Variants in SLC16A9 observed in about 807,000 individuals in gnomAD.
SLC16A9 encodes solute carrier family 16 member 9.
In SLC16A9, 26 loss-of-function variants were observed where a neutral mutation model predicts 44.3. That is an observed-to-expected ratio of 0.59 (90% CI 0.43 to 0.81). SLC16A9 has a LOEUF of 0.81. Ranked by LOEUF, SLC16A9 falls within the 40% of genes least tolerant of loss-of-function variation. The pLI is 0.00. For missense variants in SLC16A9, 559 were observed against 595.8 expected (o/e 0.94, Z 0.64); for synonymous variants, 230 against 225.1 (o/e 1.02, Z -0.19).
In SLC16A9 at chr10:59,675,374, C is replaced by G. The variant is rs369272588; in HGVS notation, c.197-2461G>C. On this transcript the variant is annotated intron_variant, in intron 2 of 5. Coordinates refer to ENST00000395348, the MANE Select transcript of SLC16A9 (RefSeq NM_194298.3). ...ATTACTAGTAAAGAACATCAAGGTA[C>G]TGTTAGAGTAGGTAGTTAGGCAGAC... Among the ~76,000 whole-genome samples, 4 of 152,176 alleles carry G rather than the reference C, an allele frequency of 2.6e-5. No individual in the cohort carries two copies. The East Asian group carries it at 5.8e-4, about 22-fold the overall frequency.
chr10:59,685,983 T>C (rs1157831496), intron 1 of SLC16A9, among the ~76,000 whole-genome samples: 158 of 147,570 alleles, frequency 1.1e-3, no homozygotes, highest in Admixed American at 1.3e-3. Context: ...CTTTCTTTTT[T>C]TTTTTTTTTT....
chr10:59,654,751 A>G (rs1159870768), intron 4 of SLC16A9, among the ~76,000 whole-genome samples, 162 bp from the exon 5 acceptor site: 1 of 152,250 alleles, frequency 6.6e-6, no homozygotes, highest in Non-Finnish European at 1.5e-5. Context: ...ACAATAATAT[A>G]GTAATACTGA....
intron 2 of SLC16A9, among the ~76,000 whole-genome samples, chr10:59,680,243 G>A (rs1839958407): frequency 6.6e-6 from 1 of 152,134 alleles, no homozygotes; most frequent in African/African-American, 2.4e-5. Context: ...AAGTCTCAAG[G>A]AAAAGGAATT....
intron 1 of SLC16A9, among the ~76,000 whole-genome samples, chr10:59,686,038 C>T (rs944872419): frequency 8.7e-5 from 13 of 149,664 alleles, no homozygotes; most frequent in Non-Finnish European, 1.8e-4. Flanking sequence ...AGTGCAGTGG[C>T]GCAATCTCGG....
chr10:59,676,831 G>A (rs573905311), intron 2 of SLC16A9, among the ~76,000 whole-genome samples: 5 of 151,562 alleles, frequency 3.3e-5, no homozygotes, highest in African/African-American at 1.2e-4. Flanking sequence ...GCTGAGGCAG[G>A]AGAATTGCAT....
chr10:59,708,041 G>A (rs1232102646), intron 1 of SLC16A9, among the ~76,000 whole-genome samples: 2 of 152,196 alleles, frequency 1.3e-5, no homozygotes, highest in Non-Finnish European at 1.5e-5. Flanking sequence ...AACCAGTAGG[G>A]ATGTTATTAG....
chr10:59,677,629 G>A (rs1588976853), intron 2 of SLC16A9, among the ~76,000 whole-genome samples: 2 of 152,232 alleles, frequency 1.3e-5, no homozygotes, highest in African/African-American at 2.4e-5. Flanking sequence ...AGGTTCAGAC[G>A]GCTTGTTTGG....
At chr10:59,679,887 T>C (rs917425336) in intron 2 of SLC16A9, among the ~76,000 whole-genome samples, 1 of 152,234 alleles carries the variant, frequency 6.6e-6, no homozygotes, top group Non-Finnish European at 1.5e-5. Context: ...CATCTTCCTA[T>C]CTGGCCCATC....
chr10:59,682,635 C>T (rs868461485), intron 2 of SLC16A9, among the ~76,000 whole-genome samples: 8 of 152,174 alleles, frequency 5.3e-5, no homozygotes, highest in Admixed American at 4.6e-4. Context: ...AAAGTAATTA[C>T]ATTTCTGTTT....
chr10:59,657,905 G>A (rs562323148), intron 4 of SLC16A9, among the ~76,000 whole-genome samples: 2 of 152,122 alleles, frequency 1.3e-5, no homozygotes, highest in South Asian at 2.1e-4. Context: ...AGTTCAGGCC[G>A]TGATAAGGTC....
intron 1 of SLC16A9, among the ~76,000 whole-genome samples, chr10:59,689,897 T>C (rs894272308): frequency 4.6e-5 from 7 of 152,356 alleles, no homozygotes; most frequent in Middle Eastern, 6.8e-3. Context: ...TCCTCCCTTC[T>C]TCATATCTTA....
intron 5 of SLC16A9, among the ~76,000 whole-genome samples, chr10:59,653,442 A>AAAAAAAAAAAAAAAAAAAAAAAAAAC (rs1291164502): frequency 1.3e-5 from 2 of 149,396 alleles, no homozygotes; most frequent in African/African-American, 5.0e-5. Context: ...AAAAAAAAAA[A>AAAAAAAAAAAAAAAAAAAAAAAAAAC]AAAGCAGGCA....
rs1333841933 is a variant in SLC16A9, at chr10:59,681,684, G to GTA, written c.196+2410_196+2411dup. 5.5e-5 allele frequency among the ~76,000 whole-genome samples: 2 copies of GTA among 36,484 alleles called. 1 individual carries two copies. Among genetic ancestry groups the GTA allele is most frequent in the African/African-American group, 3.1e-4 (2 of 6,524 alleles). The allele number at this position is 36,484 out of a possible 152,430, so 23.9% of individuals were successfully genotyped here. Reference sequence around the variant, plus strand: ...ATATGATGTATATGTATATGTATATGTATATGTATATATATATGTATATGT... The same window carrying GTA: ...ATATGATGTATATGTATATGTATATGTATATATGTATATATATATGTATATGT... On this transcript the variant is annotated intron_variant, in intron 2 of 5. Transcript: ENST00000395348.
At chr10:59,675,813 A>C (rs963865225) in intron 2 of SLC16A9, among the ~76,000 whole-genome samples, 3 of 152,190 alleles carry the variant, frequency 2.0e-5, no homozygotes, top group South Asian at 4.1e-4. Context: ...GAGAAGGAAA[A>C]ACCCCAGAAC....
intron 4 of SLC16A9, among the ~76,000 whole-genome samples, chr10:59,658,787 A>C (rs754114360): frequency 6.6e-6 from 1 of 152,208 alleles, no homozygotes; most frequent in East Asian, 1.9e-4. Context: ...CACAATTCAC[A>C]CTTCTCACCG....
chr10:59,701,513 A>G (rs1488750627), intron 1 of SLC16A9, among the ~76,000 whole-genome samples: 1 of 152,238 alleles, frequency 6.6e-6, no homozygotes, highest in South Asian at 2.1e-4. Context: ...TATCAATGAC[A>G]ATCATTCTTT....
intron 1 of SLC16A9, among the ~76,000 whole-genome samples, chr10:59,686,940 T>C (rs952811588): frequency 6.6e-6 from 1 of 152,188 alleles, no homozygotes; most frequent in Non-Finnish European, 1.5e-5. Context: ...AAAGTTTCGC[T>C]CTTGCTGCCC....
intron 3 of SLC16A9, 44 bp downstream of exon 3, chr10:59,672,726 T>A: frequency 6.4e-7 from 1 of 1,564,066 alleles, no homozygotes; most frequent in Non-Finnish European, 8.7e-7. Flanking sequence ...AAATGATGTG[T>A]ATCTCTTGAA....
intron 1 of SLC16A9, among the ~76,000 whole-genome samples, chr10:59,686,207 A>C (rs1840130257): frequency 6.6e-6 from 1 of 152,114 alleles, no homozygotes; most frequent in South Asian, 2.1e-4. Flanking sequence ...TCATCACAGA[A>C]TCTTTTTTAT....
Sources: gnomAD v4.1 joint callset for allele counts (sites outside exome capture counted in the v4.1 genomes callset) on GRCh38, gnomAD v4.1.1 for gene constraint, MANE v1.5 for transcripts, NCBI Gene and HGNC (gene_info 2026-07-23, HGNC 2026-07-21) for gene names.